The following EDN1 variants were observed in gnomAD, a reference collection of about 807,000 sequenced individuals.
EDN1 encodes endothelin-1.
A neutral mutation model predicts 21.7 loss-of-function variants in EDN1; 11 were observed. The ratio of observed to expected loss-of-function variants is 0.51; its 90% CI spans 0.32 to 0.84. The LOEUF (loss-of-function observed/expected upper bound fraction) is 0.84, where lower values mean the gene tolerates loss of function less well. EDN1 is among the 40% of genes least tolerant of loss of function. EDN1 has a pLI of 0.03. For synonymous variants in EDN1, 85 were observed against 90.6 expected, an observed-to-expected ratio of 0.94 and a Z score of 0.35; for missense variants, 244 against 262.3, an observed-to-expected ratio of 0.93 and a Z score of 0.48.
At chr6:12,272,737 G>A in the EDN1 span, among the ~76,000 whole-genome samples, 1 of 152,002 alleles carries the variant, frequency 6.6e-6, no homozygotes, top group East Asian at 1.9e-4. Context: ...AAAATGCTAG[G>A]ATTATAGGCA....
chr6:12,241,166 C>CTT, the EDN1 span, among the ~76,000 whole-genome samples: 125 of 138,360 alleles, frequency 9.0e-4, 4 homozygotes, highest in East Asian at 4.0e-3. Flanking sequence ...TTCTTTCTTT[C>CTT]TTTTTTTTTT....
At position 12,290,567 on chromosome 6, in the gene EDN1, G is replaced by T; in HGVS notation, c.-63G>T. ...GCAGCGCTTTGAGGGACCTGAAGCT[G>T]TTTTTCTTCGTTTTCCTTTGGGTTC... On this transcript the variant is annotated 5_prime_UTR_variant, in exon 1 of 5. Coordinates refer to ENST00000379375, the MANE Select transcript of EDN1 (RefSeq NM_001955.5). The T allele has an allele frequency of 7.0e-7, 1 of 1,436,388 alleles. No individual in the cohort carries two copies. 89.0% of individuals were successfully genotyped at this position (1,436,388 alleles called of 1,614,324 possible). A position where few individuals can be genotyped will look rare whatever the true frequency, so the allele number is the denominator to read the frequency against.
the EDN1 span, among the ~76,000 whole-genome samples, chr6:12,237,617 G>C: frequency 6.6e-6 from 1 of 152,250 alleles, no homozygotes; most frequent in East Asian, 1.9e-4. Context: ...TCTGCTGAAC[G>C]ACTGAGGTTT....
the EDN1 span, among the ~76,000 whole-genome samples, chr6:12,270,463 T>C: frequency 6.6e-6 from 1 of 152,150 alleles, no homozygotes; most frequent in Non-Finnish European, 1.5e-5. Context: ...CCATAGGTTT[T>C]GGTATATTGT....
the EDN1 span, among the ~76,000 whole-genome samples, chr6:12,237,514 G>A: frequency 3.9e-5 from 6 of 152,112 alleles, no homozygotes; most frequent in Admixed American, 3.9e-4. Flanking sequence ...ACATATTGCT[G>A]TGTTTTAGAA....
the EDN1 span, among the ~76,000 whole-genome samples, chr6:12,266,283 A>G: frequency 2.0e-5 from 3 of 152,218 alleles, no homozygotes; most frequent in Admixed American, 2.0e-4. Context: ...TATGTGTCAA[A>G]GATAGCCTTG....
chr6:12,234,177 A>G, the EDN1 span, among the ~76,000 whole-genome samples: 6 of 152,184 alleles, frequency 3.9e-5, no homozygotes, highest in Admixed American at 1.3e-4. Context: ...CTTTAGAATC[A>G]AGCACCACCT....
the EDN1 span, among the ~76,000 whole-genome samples, chr6:12,263,416 G>A: frequency 2.0e-5 from 3 of 152,190 alleles, no homozygotes; most frequent in South Asian, 2.1e-4. Flanking sequence ...TTTTGATGGA[G>A]AATAAAAATT....
At chr6:12,293,647 A>AT (rs537680913) in intron 2 of EDN1, among the ~76,000 whole-genome samples, 269 of 152,334 alleles carry the variant, frequency 1.8e-3, no homozygotes, top group Non-Finnish European at 3.0e-3. Context: ...AGATGTCCTA[A>AT]TTTTTGACAA....
At chr6:12,231,766 C>T in the EDN1 span, among the ~76,000 whole-genome samples, 38 of 151,712 alleles carry the variant, frequency 2.5e-4, no homozygotes, top group Non-Finnish European at 4.1e-4. Context: ...ACTCAGATAT[C>T]ACTCAAGTTA....
the EDN1 span, among the ~76,000 whole-genome samples, chr6:12,284,113 C>T: frequency 3.9e-5 from 6 of 152,184 alleles, no homozygotes; most frequent in African/African-American, 1.4e-4. Flanking sequence ...TACATTGGAA[C>T]ACATAAGGTA....
At chr6:12,257,563 A>G in the EDN1 span, among the ~76,000 whole-genome samples, 2 of 152,242 alleles carry the variant, frequency 1.3e-5, no homozygotes, top group Admixed American at 1.3e-4. Context: ...GACAATTACA[A>G]TCAACAATGA....
At chr6:12,251,558 A>G in the EDN1 span, among the ~76,000 whole-genome samples, 2 of 152,222 alleles carry the variant, frequency 1.3e-5, no homozygotes, top group Non-Finnish European at 2.9e-5. Flanking sequence ...AAAGAAACCA[A>G]TAACTCATAT....
the EDN1 span, among the ~76,000 whole-genome samples, chr6:12,274,058 A>C: frequency 6.6e-6 from 1 of 152,168 alleles, no homozygotes; most frequent in Non-Finnish European, 1.5e-5. Flanking sequence ...CTTCATTCTT[A>C]TTTTAAAAAA....
rs1364935106 is a variant in EDN1 at position 12,290,706 on chromosome 6, G to A, written c.64+13G>A. 6 of 1,610,646 alleles carry A rather than the reference G, an allele frequency of 3.7e-6. No individual in the cohort carries two copies. Among genetic ancestry groups the A allele is most frequent in the South Asian group, 2.2e-5 (2 of 91,028 alleles). ...GCTCCAGAAACAGGTAGGCACGCTC[G>A]TTGACTTGTAAGTCTCGGAATTACA... On this transcript the variant is annotated intron_variant, in intron 1 of 4. Transcript: ENST00000379375.
the EDN1 span, among the ~76,000 whole-genome samples, chr6:12,252,766 C>G: frequency 1.6e-4 from 25 of 152,254 alleles, no homozygotes; most frequent in East Asian, 4.4e-3. Context: ...GCAGTGTTCA[C>G]TCCCTACTCA....
chr6:12,259,631 A>G, the EDN1 span, among the ~76,000 whole-genome samples: 1,935 of 152,000 alleles, frequency 0.013, 126 homozygotes, highest in East Asian at 0.2. Flanking sequence ...AAGAAAATTA[A>G]TCTTTCAGAT....
the EDN1 span, among the ~76,000 whole-genome samples, chr6:12,269,147 T>C: frequency 1.4e-4 from 21 of 152,144 alleles, no homozygotes; most frequent in Non-Finnish European, 2.9e-4. Context: ...TATAGTTTTA[T>C]AGAAATGCTA....
At chr6:12,258,449 C>CAAAAAAAAAA in the EDN1 span, among the ~76,000 whole-genome samples, 18 of 63,670 alleles carry the variant, frequency 2.8e-4, 1 homozygote, top group Non-Finnish European at 4.0e-4. Flanking sequence ...GATCATGTCT[C>CAAAAAAAAAA]AAAAAAAAAA....
Sources: gnomAD v4.1 joint callset for allele counts (sites outside exome capture counted in the v4.1 genomes callset) on GRCh38, gnomAD v4.1.1 for gene constraint, MANE v1.5 for transcripts, NCBI Gene and HGNC (gene_info 2026-07-23, HGNC 2026-07-21) for gene names.